GRIK1: variants seen among roughly 807,000 people sequenced by gnomAD.
The protein encoded by GRIK1 is glutamate ionotropic receptor kainate type subunit 1, also known as glutamate receptor ionotropic, kainate 1.
A neutral mutation model predicts 105.7 loss-of-function variants in GRIK1; 69 were observed. That is an observed-to-expected ratio of 0.65 (90% CI 0.54 to 0.80). The LOEUF (loss-of-function observed/expected upper bound fraction) is 0.80. GRIK1 is among the 30% of genes least tolerant of loss of function. The pLI is 0.00. For missense variants in GRIK1, 1,109 were observed against 1,167.3 expected (o/e 0.95, Z 0.73); for synonymous variants, 438 against 431.3 (o/e 1.02, Z -0.19).
At chr21:29,923,268 C>T (rs2071248663) in intron 1 of GRIK1, among the ~76,000 whole-genome samples, 1 of 152,134 alleles carries the variant, frequency 6.6e-6, no homozygotes, top group African/African-American at 2.4e-5. Context: ...ATGTCAGTTG[C>T]AAGCTTTTCT....
At chr21:29,580,282 A>G (rs978636470) in intron 13 of GRIK1, among the ~76,000 whole-genome samples, 2 of 151,624 alleles carry the variant, frequency 1.3e-5, no homozygotes, top group African/African-American at 2.4e-5. Flanking sequence ...AATTAAATAC[A>G]TGGGTAAAGT....
At chr21:29,908,531 C>T (rs1308294536) in intron 1 of GRIK1, among the ~76,000 whole-genome samples, 1 of 152,054 alleles carries the variant, frequency 6.6e-6, no homozygotes, top group Non-Finnish European at 1.5e-5. Flanking sequence ...CAGAAGCAAA[C>T]AAAAAAATTA....
intron 7 of GRIK1, among the ~76,000 whole-genome samples, chr21:29,640,699 G>A (rs928516554): frequency 6.6e-6 from 1 of 152,110 alleles, no homozygotes; most frequent in African/African-American, 2.4e-5. Context: ...TTGAGTGTTT[G>A]ATCCCAAGCT....
intron 1 of GRIK1, among the ~76,000 whole-genome samples, chr21:29,928,841 C>T (rs767435849): frequency 2.6e-5 from 4 of 152,082 alleles, no homozygotes; most frequent in Non-Finnish European, 2.9e-5. Flanking sequence ...ACAGCAAATG[C>T]CTCTCCTTTC....
chr21:29,598,945 C>A lies in GRIK1; in HGVS notation c.1099-8G>T. The A allele has an allele frequency of 7.4e-7, 1 of 1,354,096 alleles. No individual in the cohort carries two copies. The highest frequency in any genetic ancestry group is 1.8e-4 in the Middle Eastern group (1 of 5,488). 83.9% of individuals were successfully genotyped at this position (1,354,096 alleles called of 1,614,324 possible). A position where few individuals can be genotyped will look rare whatever the true frequency, so the allele number is the denominator to read the frequency against. On this transcript the variant is annotated splice_region_variant and splice_polypyrimidine_tract_variant and intron_variant, in intron 7 of 17. Coordinates refer to ENST00000327783, the MANE Select transcript of GRIK1 (RefSeq NM_001330994.2). ...CAAGCCATCCCACCGGGCCTGTGGA[C>A]AAGAAGAAATGTGGCTGTTATTGTT...
chr21:29,675,580 T>C (rs1256223101), intron 3 of GRIK1, among the ~76,000 whole-genome samples: 1 of 152,178 alleles, frequency 6.6e-6, no homozygotes, highest in Non-Finnish European at 1.5e-5. Context: ...CTTTCATTTA[T>C]TTTTATGGGA....
At chr21:29,881,091 A>G (rs1462861695) in intron 1 of GRIK1, among the ~76,000 whole-genome samples, 2 of 152,314 alleles carry the variant, frequency 1.3e-5, no homozygotes, top group Non-Finnish European at 2.9e-5. Context: ...AACCCAGAAT[A>G]GATCCTGGCA....
Position 29,921,097 on chromosome 21 carries a change from G to A in GRIK1, c.118+18286C>T, listed in dbSNP as rs140395590. The stretch of plus-strand genomic sequence containing the variant: ...GAGGCTACCCTGTGCATTGTATGAT[G>A]TCTAGTAGCACTCCTGACCTCTAAC... On this transcript the variant is annotated intron_variant, in intron 1 of 17. Coordinates refer to ENST00000327783, the MANE Select transcript of GRIK1 (RefSeq NM_001330994.2). Among the ~76,000 whole-genome samples, 20 of 152,102 alleles carry A rather than the reference G, an allele frequency of 1.3e-4. No homozygotes were observed. In the East Asian group the frequency reaches 3.9e-3, roughly 29 times the overall value.
intron 7 of GRIK1, 70 bp from the exon 8 acceptor site, chr21:29,599,007 T>A: frequency 1.4e-6 from 1 of 721,702 alleles, no homozygotes; most frequent in East Asian, 2.6e-5. Flanking sequence ...ATCAAAATTA[T>A]AATACCTCAA....
chr21:29,729,085 T>C (rs1158574962), intron 1 of GRIK1, among the ~76,000 whole-genome samples: 2 of 152,188 alleles, frequency 1.3e-5, no homozygotes, highest in Non-Finnish European at 1.5e-5. Flanking sequence ...GTGATTGTGA[T>C]TGGGGACCTA....
intron 1 of GRIK1, among the ~76,000 whole-genome samples, chr21:29,769,038 T>A (rs928903053): frequency 2.0e-5 from 3 of 152,214 alleles, no homozygotes; most frequent in Non-Finnish European, 4.4e-5. Flanking sequence ...TTTTTTTTCT[T>A]AATGATTATT....
Position 29,700,699 on chromosome 21 carries a change from G to A in GRIK1, c.119-6636C>T, listed in dbSNP as rs1383612120. On this transcript the variant is annotated intron_variant, in intron 1 of 17. Coordinates refer to ENST00000327783, the MANE Select transcript of GRIK1 (RefSeq NM_001330994.2). ...CCGAATCAACTCAGTGTAACATGGT[G>A]GAAATCAAGCCATTGTTGTGGGTAA... is the stretch of plus-strand genomic sequence containing the variant. Among the ~76,000 whole-genome samples the A allele has an allele frequency of 5.9e-5, 9 of 152,078 alleles. No homozygotes were observed. In the East Asian group the frequency reaches 1.5e-3, roughly 26 times the overall value.
intron 1 of GRIK1, among the ~76,000 whole-genome samples, chr21:29,766,151 A>G (rs1400295662): frequency 1.3e-5 from 2 of 152,018 alleles, no homozygotes; most frequent in East Asian, 3.9e-4. Context: ...GCCTGGCCAG[A>G]AAGTTCTTCT....
intron 7 of GRIK1, among the ~76,000 whole-genome samples, chr21:29,602,510 TA>T (rs749591569): frequency 2.6e-5 from 4 of 152,136 alleles, no homozygotes; most frequent in Non-Finnish European, 4.4e-5. Flanking sequence ...GGTTTGAGGA[TA>T]AAGATTTGCA....
chr21:29,870,798 T>G (rs2068979448), intron 1 of GRIK1, among the ~76,000 whole-genome samples: 1 of 152,138 alleles, frequency 6.6e-6, no homozygotes, highest in Admixed American at 6.6e-5. Context: ...TCTGATCATA[T>G]TCATCTATTC....
intron 6 of GRIK1, among the ~76,000 whole-genome samples, chr21:29,647,810 A>G (rs1453152351): frequency 1.3e-5 from 2 of 152,252 alleles, no homozygotes; most frequent in Admixed American, 6.5e-5. Flanking sequence ...TCTGTCAATT[A>G]CCACTTCAGT....
intron 1 of GRIK1, among the ~76,000 whole-genome samples, chr21:29,783,052 A>G (rs2066166820): frequency 6.6e-6 from 1 of 152,192 alleles, no homozygotes; most frequent in Non-Finnish European, 1.5e-5. Context: ...AACACAACAC[A>G]TTAAAGTATC....
chr21:29,707,454 C>CCCTTCCTTCCTTCCTTCCTTCCTT (rs1555875933), intron 1 of GRIK1, among the ~76,000 whole-genome samples: 4 of 88,522 alleles, frequency 4.5e-5, no homozygotes, highest in Admixed American at 2.5e-4. Context: ...CTCCCTCCCT[C>CCCTTCCTTCCTTCCTTCCTTCCTT]CCTCCCTCCC....
At chr21:29,676,300 C>A (rs1285674536) in intron 3 of GRIK1, among the ~76,000 whole-genome samples, 1 of 152,086 alleles carries the variant, frequency 6.6e-6, no homozygotes, top group Non-Finnish European at 1.5e-5. Context: ...GGGGGAAGAA[C>A]AAAGAACAGG....
Sources: gnomAD v4.1 joint callset for allele counts (sites outside exome capture counted in the v4.1 genomes callset) on GRCh38, gnomAD v4.1.1 for gene constraint, MANE v1.5 for transcripts, NCBI Gene and HGNC (gene_info 2026-07-23, HGNC 2026-07-21) for gene names.